NCKAP5: variants seen among roughly 807,000 people sequenced by gnomAD.
The protein encoded by NCKAP5 is NCK associated protein 5.
NCKAP5 carries 92 observed loss-of-function variants against 167.0 expected under a neutral mutation model. The ratio of observed to expected loss-of-function variants is 0.55; its 90% CI spans 0.47 to 0.66. The LOEUF (loss-of-function observed/expected upper bound fraction) is 0.66. Among genes scored for constraint, NCKAP5 ranks in the 30% least tolerant of loss-of-function variants. NCKAP5 has a pLI of 0.00. For synonymous variants in NCKAP5, 891 were observed against 877.4 expected (o/e 1.02, Z -0.27); for missense variants, 2,378 against 2,315.0 (o/e 1.03, Z -0.56).
At chr2:133,016,442 C>A (rs2078338260) in intron 6 of NCKAP5, among the ~76,000 whole-genome samples, 1 of 152,168 alleles carries the variant, frequency 6.6e-6, no homozygotes, top group African/African-American at 2.4e-5. Context: ...CTGATGGAAA[C>A]AAATCTTTAC....
chr2:132,746,550 T>G (rs546968802), intron 16 of NCKAP5, among the ~76,000 whole-genome samples: 3 of 152,034 alleles, frequency 2.0e-5, no homozygotes, highest in South Asian at 4.2e-4. Flanking sequence ...TAATCAAAAT[T>G]AAAAATTTTG....
intron 3 of NCKAP5, among the ~76,000 whole-genome samples, chr2:133,403,795 G>A (rs556073329): frequency 6.6e-6 from 1 of 152,264 alleles, no homozygotes; most frequent in South Asian, 2.1e-4. Flanking sequence ...TAGAGGGTTA[G>A]CATCATTTAA....
At chr2:132,995,647 A>AAAACAAAC (rs71398579) in intron 6 of NCKAP5, among the ~76,000 whole-genome samples, 20 of 144,002 alleles carry the variant, frequency 1.4e-4, no homozygotes, top group African/African-American at 4.4e-4. Flanking sequence ...ACTCTATCTG[A>AAAACAAAC]AAACAAACAA....
intron 6 of NCKAP5, among the ~76,000 whole-genome samples, chr2:133,035,061 A>T (rs2078997732): frequency 2.0e-5 from 3 of 152,044 alleles, no homozygotes; most frequent in Non-Finnish European, 4.4e-5. Context: ...AAAATAAGGG[A>T]TGGAAAAAGA....
chr2:132,783,344 G>A lies in NCKAP5; in HGVS notation c.3467C>T (p.Ser1156Phe). ...GGAACTTTTCCTGAGCAGCTGGGGAGACTTCATGAGCACTTTGAGTCCCAC... is the reference window on the plus strand; with the variant it reads ...GGAACTTTTCCTGAGCAGCTGGGGAAACTTCATGAGCACTTTGAGTCCCAC... ...LPVGLKVLMK[S>F]PQLLRKSSTV... The change falls in exon 14 of 20, where the codon TCT becomes TTT. Residue 1156 changes from serine to phenylalanine, a missense_variant. Coordinates refer to ENST00000409261, the MANE Select transcript of NCKAP5 (RefSeq NM_207363.3). 6.2e-7 allele frequency: 1 copy of A among 1,613,558 alleles called. No individual in the cohort carries two copies. The highest frequency in any genetic ancestry group is 1.1e-5 in the South Asian group (1 of 90,986).
At chr2:132,909,403 A>T (rs1694264745) in intron 8 of NCKAP5, among the ~76,000 whole-genome samples, 2 of 152,176 alleles carry the variant, frequency 1.3e-5, no homozygotes, top group Admixed American at 1.3e-4. Flanking sequence ...ATATCCAATG[A>T]TCATGCCTTT....
At chr2:133,275,066 A>T (rs2089670885) in intron 4 of NCKAP5, among the ~76,000 whole-genome samples, 1 of 151,988 alleles carries the variant, frequency 6.6e-6, no homozygotes, top group African/African-American at 2.4e-5. Context: ...AAAGAACCAC[A>T]AATCAGTGGG....
chr2:133,032,392 G>A (rs1298853612), intron 6 of NCKAP5, among the ~76,000 whole-genome samples: 1 of 152,172 alleles, frequency 6.6e-6, no homozygotes, highest in East Asian at 1.9e-4. Flanking sequence ...AAAGAAGAGG[G>A]AGGAATGAGA....
At chr2:133,288,743 G>A (rs1679347457) in intron 4 of NCKAP5, among the ~76,000 whole-genome samples, 1 of 152,096 alleles carries the variant, frequency 6.6e-6, no homozygotes, top group Non-Finnish European at 1.5e-5. Flanking sequence ...TTGGTGCCAA[G>A]AGACAGTCCA....
At chr2:133,219,394 C>T (rs772744856) in intron 4 of NCKAP5, among the ~76,000 whole-genome samples, 1 of 152,104 alleles carries the variant, frequency 6.6e-6, no homozygotes, top group Non-Finnish European at 1.5e-5. Context: ...GACCATGCTC[C>T]GTAATTGTTT....
chr2:133,266,185 C>A (rs901984626), intron 4 of NCKAP5: 16 of 152,280 alleles, frequency 1.1e-4, no homozygotes, highest in African/African-American at 3.9e-4. Context: ...ACACACGGAC[C>A]GACTCCCACA....
At chr2:132,728,668 G>C in intron 18 of NCKAP5, 148 bp downstream of exon 18, 1 of 1,014,358 alleles carries the variant, frequency 9.9e-7, no homozygotes, top group Non-Finnish European at 1.4e-6. Flanking sequence ...CAGGGGAAAG[G>C]GTGAACCCTA....
At chr2:133,181,478 A>G (rs187266133) in intron 5 of NCKAP5, among the ~76,000 whole-genome samples, 63 of 152,150 alleles carry the variant, frequency 4.1e-4, no homozygotes, top group Non-Finnish European at 7.5e-4. Context: ...CAATAATTCC[A>G]TTGAAAGTAA....
intron 3 of NCKAP5, among the ~76,000 whole-genome samples, chr2:133,370,070 C>T (rs1285392618): frequency 2.6e-5 from 4 of 152,120 alleles, no homozygotes; most frequent in African/African-American, 4.8e-5. Context: ...TTTTTGATGT[C>T]ACTGGAGACC....
intron 8 of NCKAP5, among the ~76,000 whole-genome samples, chr2:132,920,741 ATG>A (rs1169419658): frequency 0.076 from 7,891 of 103,526 alleles, 1,357 homozygotes; most frequent in Admixed American, 0.22. Context: ...ATGTATATAT[ATG>A]TGTATATATA....
intron 19 of NCKAP5, among the ~76,000 whole-genome samples, chr2:132,701,935 G>T (rs1202838531): frequency 6.6e-6 from 1 of 152,134 alleles, no homozygotes; most frequent in Non-Finnish European, 1.5e-5. Flanking sequence ...GAAAGTTATA[G>T]GAATGAAGAA....
At chr2:133,466,053 C>T (rs1692559925) in intron 3 of NCKAP5, among the ~76,000 whole-genome samples, 1 of 150,722 alleles carries the variant, frequency 6.6e-6, no homozygotes, top group Non-Finnish European at 1.5e-5. Context: ...GTTGCCATTG[C>T]TTTTGGTGTT....
At position 132,679,690 on chromosome 2, in the gene NCKAP5, A is replaced by T. The variant is rs560640036; in HGVS notation, c.5714-6385T>A. Among the ~76,000 whole-genome samples, 6 of 152,294 alleles carry T rather than the reference A, an allele frequency of 3.9e-5. No individual in the cohort carries two copies. The South Asian group carries it at 1.2e-3, about 32-fold the overall frequency. ...TTTGGAAGCAAATAAATGAAGTCTAAGAGACGGTCTGTTTAATCAAGGGTT... is the reference window on the plus strand; with the variant it reads ...TTTGGAAGCAAATAAATGAAGTCTATGAGACGGTCTGTTTAATCAAGGGTT... On this transcript the variant is annotated intron_variant, in intron 19 of 19. Transcript: ENST00000409261.
chr2:132,713,187 G>A (rs961310586), intron 19 of NCKAP5, among the ~76,000 whole-genome samples: 8 of 152,086 alleles, frequency 5.3e-5, no homozygotes, highest in African/African-American at 1.9e-4. Context: ...TACCTATATG[G>A]GGCTAGGGAC....
Sources: allele counts gnomAD v4.1 joint callset (sites outside exome capture counted in the v4.1 genomes callset), GRCh38; gene constraint gnomAD v4.1.1; transcripts MANE v1.5; gene names NCBI Gene and HGNC (gene_info 2026-07-23, HGNC 2026-07-21).